The following EPHA6 variants were observed in gnomAD, a reference collection of about 807,000 sequenced individuals.
EPHA6 encodes the protein EPH receptor A6.
Under a neutral mutation model 112.0 loss-of-function variants are expected in EPHA6, and 50 were observed. The ratio of observed to expected loss-of-function variants is 0.45; its 90% confidence interval spans 0.36 to 0.56. The LOEUF (loss-of-function observed/expected upper bound fraction) is 0.56. EPHA6 is among the 20% of genes least tolerant of loss of function. EPHA6 has a pLI of 0.00. For synonymous variants in EPHA6, 529 were observed against 490.7 expected (o/e 1.08, Z -1.03); for missense variants, 1,280 against 1,417.4 (o/e 0.90, Z 1.56).
At chr3:97,669,906 A>G (rs941469242) in intron 14 of EPHA6, among the ~76,000 whole-genome samples, 1 of 152,178 alleles carries the variant, frequency 6.6e-6, no homozygotes, top group African/African-American at 2.4e-5. Context: ...CCAGGCCCTC[A>G]GCCTCTTCTG....
intron 2 of EPHA6, among the ~76,000 whole-genome samples, chr3:96,901,177 G>A (rs1369665158): frequency 6.6e-6 from 1 of 152,062 alleles, no homozygotes; most frequent in Non-Finnish European, 1.5e-5. Context: ...ATATACAATA[G>A]TTTTTATTAA....
At chr3:96,983,619 G>T (rs1274728027) in intron 2 of EPHA6, among the ~76,000 whole-genome samples, 2 of 152,150 alleles carry the variant, frequency 1.3e-5, no homozygotes, top group African/African-American at 2.4e-5. Context: ...GGTTGGGGAG[G>T]TTCTTCTGGA....
rs1385035913 is a variant in EPHA6, at chr3:97,751,174, T to C, written c.*2473T>C. Among the ~76,000 whole-genome samples the C allele has an allele frequency of 6.6e-6, 1 of 152,162 alleles. No homozygotes were observed. Among genetic ancestry groups the C allele is most frequent in the East Asian group, 1.9e-4 (1 of 5,204 alleles). On this transcript the variant is annotated 3_prime_UTR_variant, in exon 18 of 18. Coordinates refer to ENST00000389672, the MANE Select transcript of EPHA6 (RefSeq NM_001080448.3). Reference sequence around the variant, plus strand: ...ACTCTGTCGGCACCATCTGTGTACCTTGAAATAAATTCTATTAAGTTATTT... The same window carrying C: ...ACTCTGTCGGCACCATCTGTGTACCCTGAAATAAATTCTATTAAGTTATTT...
chr3:97,369,540 C>T (rs751264258), intron 5 of EPHA6, among the ~76,000 whole-genome samples: 7 of 152,078 alleles, frequency 4.6e-5, no homozygotes, highest in Non-Finnish European at 8.8e-5. Flanking sequence ...CAGATACTGG[C>T]GTGGGGAAAG....
rs200096225 is a variant in EPHA6 at position 97,753,849 on chromosome 3, TA to T, written c.*5157del. On this transcript the variant is annotated 3_prime_UTR_variant, in exon 18 of 18. Coordinates refer to ENST00000389672, the MANE Select transcript of EPHA6 (RefSeq NM_001080448.3). ...AAACACTCCATCTATTTCTTACTGTTAAAAAAAAAGTACTGATGAGATGTAG... is the reference window on the plus strand; with the variant it reads ...AAACACTCCATCTATTTCTTACTGTTAAAAAAAAGTACTGATGAGATGTAG... Among the ~76,000 whole-genome samples, 141 of 150,788 alleles carry T rather than the reference TA, an allele frequency of 9.4e-4. No homozygotes were observed. The highest frequency in any genetic ancestry group is 3.2e-3 in the African/African-American group (133 of 41,224).
At chr3:97,274,496 CA>C (rs1162416727) in intron 5 of EPHA6, among the ~76,000 whole-genome samples, 1 of 152,116 alleles carries the variant, frequency 6.6e-6, no homozygotes, top group Non-Finnish European at 1.5e-5. Flanking sequence ...TCTTTCAGCC[CA>C]TACAACAGCA....
Position 96,822,608 on chromosome 3 carries a change from A to G in EPHA6, c.385+7600A>G, listed in dbSNP as rs1248790076. Among the ~76,000 whole-genome samples, 7 of 151,832 alleles carry G rather than the reference A, an allele frequency of 4.6e-5. No homozygotes were observed. In the South Asian group the frequency reaches 1.5e-3, roughly 31 times the overall value. Reference sequence around the variant, plus strand: ...GAAAATGGTTGTTAAGGAGATAGAAATATTTAATTTATTATTTTACTCTTG... The same window carrying G: ...GAAAATGGTTGTTAAGGAGATAGAAGTATTTAATTTATTATTTTACTCTTG... On this transcript the variant is annotated intron_variant, in intron 1 of 17. Transcript: ENST00000389672.
intron 6 of EPHA6, 35 bp from the exon 7 acceptor site, chr3:97,448,533 T>C: frequency 6.2e-7 from 1 of 1,608,346 alleles, no homozygotes; most frequent in Non-Finnish European, 8.5e-7. Flanking sequence ...AATAACTCTG[T>C]TTCATTTCCT....
chr3:96,967,948 A>G (rs867672188), intron 2 of EPHA6, among the ~76,000 whole-genome samples: 4 of 151,830 alleles, frequency 2.6e-5, no homozygotes, highest in Admixed American at 6.6e-5. Context: ...TTGTTTGACA[A>G]TTGACATGTA....
At chr3:97,455,113 C>G (rs571020748) in intron 7 of EPHA6, among the ~76,000 whole-genome samples, 4 of 151,986 alleles carry the variant, frequency 2.6e-5, no homozygotes, top group African/African-American at 9.6e-5. Context: ...AGCGAAGGCC[C>G]CTCATAATAA....
chr3:97,673,387 G>A (rs565673446), intron 14 of EPHA6, among the ~76,000 whole-genome samples: 4 of 152,140 alleles, frequency 2.6e-5, no homozygotes, highest in Non-Finnish European at 5.9e-5. Flanking sequence ...ATGAGAAGAG[G>A]AAATAAAATA....
chr3:97,263,414 A>G (rs2078843758), intron 5 of EPHA6, among the ~76,000 whole-genome samples: 1 of 149,116 alleles, frequency 6.7e-6, no homozygotes, highest in South Asian at 2.1e-4. Flanking sequence ...TTTTTTTACA[A>G]AGCGCCTTCC....
At position 97,243,945 on chromosome 3, in the gene EPHA6, T is replaced by C; in HGVS notation, c.1271-7T>C. On this transcript the variant is annotated splice_region_variant and splice_polypyrimidine_tract_variant and intron_variant, in intron 4 of 17. Coordinates refer to ENST00000389672, the MANE Select transcript of EPHA6 (RefSeq NM_001080448.3). ...TGTACATTTGTTTTTTAATTGCTTTTCTCTAGGGCCACCTTCAGCTCCTAG... is the reference window on the plus strand; with the variant it reads ...TGTACATTTGTTTTTTAATTGCTTTCCTCTAGGGCCACCTTCAGCTCCTAG... 1 of 1,589,000 alleles carries C rather than the reference T, an allele frequency of 6.3e-7. No homozygotes were observed. The highest frequency in any genetic ancestry group is 8.6e-7 in the Non-Finnish European group (1 of 1,165,716).
intron 4 of EPHA6, among the ~76,000 whole-genome samples, chr3:97,228,547 A>G (rs1357228403): frequency 1.3e-5 from 2 of 150,874 alleles, no homozygotes; most frequent in Admixed American, 6.6e-5. Flanking sequence ...GTGTATATAT[A>G]TATATATATA....
chr3:97,149,002 A>G (rs1172968169), intron 3 of EPHA6, among the ~76,000 whole-genome samples: 4 of 151,980 alleles, frequency 2.6e-5, no homozygotes, highest in Non-Finnish European at 4.4e-5. Context: ...GGTTTCTTTG[A>G]TGGTTCTTTT....
At chr3:97,356,941 T>G (rs1022721765) in intron 5 of EPHA6, among the ~76,000 whole-genome samples, 11 of 152,192 alleles carry the variant, frequency 7.2e-5, no homozygotes, top group African/African-American at 2.7e-4. Context: ...GTTTTTGATT[T>G]ATATATTTTG....
chr3:97,724,521 T>G (rs2034671788), intron 15 of EPHA6, among the ~76,000 whole-genome samples: 1 of 152,076 alleles, frequency 6.6e-6, no homozygotes, highest in South Asian at 2.1e-4. Context: ...ATATAATCAA[T>G]GCTTTGGGAG....
At chr3:96,838,178 C>T (rs986088936) in intron 1 of EPHA6, among the ~76,000 whole-genome samples, 1 of 150,616 alleles carries the variant, frequency 6.6e-6, no homozygotes, top group Non-Finnish European at 1.5e-5. Flanking sequence ...TGTTTGTTTG[C>T]TGAGGATAAT....
At chr3:97,193,307 GT>G (rs1379577873) in intron 3 of EPHA6, among the ~76,000 whole-genome samples, 1 of 151,772 alleles carries the variant, frequency 6.6e-6, no homozygotes, top group East Asian at 1.9e-4. Flanking sequence ...GACCTCTTGA[GT>G]TTTTTTGCAT....
Sources: allele counts gnomAD v4.1 joint callset (sites outside exome capture counted in the v4.1 genomes callset), GRCh38; gene constraint gnomAD v4.1.1; transcripts MANE v1.5; gene names NCBI Gene and HGNC (gene_info 2026-07-23, HGNC 2026-07-21).